The following MTIF2 variants were observed in gnomAD, a reference collection of about 807,000 sequenced individuals.
MTIF2 encodes mitochondrial translational initiation factor 2, also known as translation initiation factor IF-2, mitochondrial.
In MTIF2, 71 loss-of-function variants were observed where a neutral mutation model predicts 83.5. The observed-to-expected ratio is 0.85, with a 90% CI of 0.70 to 1.04. The LOEUF (loss-of-function observed/expected upper bound fraction) is 1.04. Ranked by LOEUF, MTIF2 falls within the 50% of genes least tolerant of loss-of-function variation. The pLI, the probability that MTIF2 is intolerant of heterozygous loss-of-function variation, is 0.00. For synonymous variants in MTIF2, 319 were observed against 287.1 expected (o/e 1.11, Z -1.12); for missense variants, 957 against 846.5 (o/e 1.13, Z -1.62).
intron 15 of MTIF2, 130 bp downstream of exon 15, chr2:55,237,158 T>C: frequency 9.2e-7 from 1 of 1,087,754 alleles, no homozygotes; most frequent in South Asian, 1.7e-5. Context: ...ATTTAGGGGT[T>C]TCAATAGCAA....
At chr2:55,246,214 A>C in intron 10 of MTIF2, 123 bp downstream of exon 10, 1 of 1,169,790 alleles carries the variant, frequency 8.5e-7, no homozygotes, top group Non-Finnish European at 1.2e-6. Flanking sequence ...TTTTAAAACA[A>C]ATGCTTTGAA....
intron 5 of MTIF2, among the ~76,000 whole-genome samples, chr2:55,255,882 CTCT>C (rs1282933831): frequency 0.077 from 11,643 of 151,222 alleles, 1,436 homozygotes; most frequent in African/African-American, 0.26. Context: ...TGATTTTTTT[CTCT>C]TTTTTTTTGG....
Position 55,254,853 on chromosome 2 carries a change from G to A in MTIF2, c.332-28C>T, listed in dbSNP as rs201620997. ...GATTGGAATAAAATAAAACCTTTTA[G>A]GATCATTAATTAAATGCTCAAGAAG... On this transcript the variant is annotated intron_variant, in intron 5 of 15. Transcript: ENST00000263629. The A allele has an allele frequency of 2.8e-5, 39 of 1,397,750 alleles. 1 individual carries two copies. Among genetic ancestry groups the A allele is most frequent in the Non-Finnish European group, 2.9e-6 (3 of 1,050,602 alleles). 86.6% of individuals were successfully genotyped at this position (1,397,750 alleles called of 1,614,324 possible).
chr2:55,265,299 A>G (rs75516516), intron 3 of MTIF2, among the ~76,000 whole-genome samples: 7,999 of 150,678 alleles, frequency 0.053, 262 homozygotes, highest in African/African-American at 0.063. Context: ...AACATTTCCT[A>G]AGTACCATAT....
intron 10 of MTIF2, among the ~76,000 whole-genome samples, chr2:55,245,788 G>A (rs1284270672): frequency 3.3e-5 from 5 of 152,062 alleles, no homozygotes; most frequent in African/African-American, 4.8e-5. Context: ...TATGCTAAGC[G>A]AAGAAGCAGG....
At position 55,239,920 on chromosome 2, in the gene MTIF2, T is replaced by C. The variant is rs997368376; in HGVS notation, c.1870+91A>G. 2.4e-5 allele frequency: 27 copies of C among 1,146,788 alleles called. No homozygotes were observed. The African/African-American group carries it at 3.0e-4, about 13-fold the overall frequency. 71.0% of individuals were successfully genotyped at this position (1,146,788 alleles called of 1,614,324 possible). On this transcript the variant is annotated intron_variant, in intron 14 of 15. Transcript: ENST00000263629. ...AGAACACAGGATATATCTTTCAACA[T>C]TGAAAACGTTTCCTCTAAGCTTTGC...
At position 55,244,159 on chromosome 2, in the gene MTIF2, G is replaced by A. The variant is rs753263909; in HGVS notation, c.1181C>T (p.Ala394Val). Reference protein sequence around the residue: ...GSVLVAGKCWAKVRLMFDENG... With the variant: ...GSVLVAGKCWVKVRLMFDENG... Reference sequence around the variant, plus strand: ...TTCATCAAACATTAAGCGTACTTTTGCCCAACATTTTCCAGCAACCAGAAC... The same window carrying A: ...TTCATCAAACATTAAGCGTACTTTTACCCAACATTTTCCAGCAACCAGAAC... The change falls in exon 11 of 16, where the codon GCA becomes GTA. Residue 394 changes from alanine (A) to valine (V), a missense_variant. Physicochemically the swap from Ala to Val is moderately conservative, Grantham distance 64. Transcript: ENST00000263629. 21 of 1,613,976 alleles carry A rather than the reference G, an allele frequency of 1.3e-5. No individual in the cohort carries two copies. Among genetic ancestry groups the A allele is most frequent in the East Asian group, 1.1e-4 (5 of 44,876 alleles).
Position 55,243,590 on chromosome 2 carries a change from CTAT to C in MTIF2, c.1387_1389del (p.Ile463del). On this transcript the variant is annotated inframe_deletion, in exon 12 of 16. Transcript: ENST00000263629. The stretch of plus-strand genomic sequence containing the variant: ...TCTTTGTGTTCCTTTCGCTTTTCTT[CTAT>C]TATTTTCAGATCCTCCTGACCTTTC... The C allele has an allele frequency of 6.2e-7, 1 of 1,614,042 alleles. No homozygotes were observed. Among genetic ancestry groups the C allele is most frequent in the East Asian group, 2.2e-5 (1 of 44,854 alleles).
In MTIF2 at chr2:55,240,214, A is replaced by G. The variant is rs377272130; in HGVS notation, c.1706-39T>C. The stretch of plus-strand genomic sequence containing the variant: ...ATATGATCAATGAAGTAGCACAACG[A>G]TTACATTATAATCATTTATTTGTCT... On this transcript the variant is annotated intron_variant, in intron 13 of 15. Transcript: ENST00000263629. 7 of 1,504,986 alleles carry G rather than the reference A, an allele frequency of 4.7e-6. No individual in the cohort carries two copies. The African/African-American group carries it at 9.7e-5, about 21-fold the overall frequency. The allele number at this position is 1,504,986 out of a possible 1,614,324, so 93.2% of individuals were successfully genotyped here. A position where few individuals can be genotyped will look rare whatever the true frequency, so the allele number is the denominator to read the frequency against.
rs1161602144 is a variant in MTIF2 at position 55,243,908 on chromosome 2, C to T, written c.1311+121G>A. On this transcript the variant is annotated intron_variant, in intron 11 of 15. Transcript: ENST00000263629. ...AATGCTAAAATAGCACAACTTGCAT[C>T]CTCACAGCCCCTTATAATCTAGATT... 6.1e-6 allele frequency: 6 copies of T among 989,774 alleles called. No homozygotes were observed. In the African/African-American group the frequency reaches 9.8e-5, roughly 16 times the overall value. The allele number at this position is 989,774 out of a possible 1,614,324, so 61.3% of individuals were successfully genotyped here.
intron 13 of MTIF2, among the ~76,000 whole-genome samples, chr2:55,240,504 G>A (rs1383029109): frequency 6.6e-6 from 1 of 152,080 alleles, no homozygotes; most frequent in South Asian, 2.1e-4. Context: ...GCTTGAACCC[G>A]GGAGGCGGAG....
At chr2:55,257,969 T>G (rs996793554) in intron 5 of MTIF2, among the ~76,000 whole-genome samples, 1 of 152,168 alleles carries the variant, frequency 6.6e-6, no homozygotes, top group Non-Finnish European at 1.5e-5. Flanking sequence ...TTTGTATTTC[T>G]TTTGTAAAGA....
chr2:55,242,553 A>T (rs927304670), intron 13 of MTIF2, among the ~76,000 whole-genome samples: 2 of 152,232 alleles, frequency 1.3e-5, no homozygotes, highest in Admixed American at 6.5e-5. Context: ...GTAAAAGATG[A>T]AGGAAAGAAC....
chr2:55,260,809 CAG>C (rs1237903094), intron 5 of MTIF2, among the ~76,000 whole-genome samples: 9 of 152,104 alleles, frequency 5.9e-5, no homozygotes, highest in Non-Finnish European at 1.0e-4. Flanking sequence ...GTTACAATAA[CAG>C]GGTATTTCTC....
chr2:55,260,032 C>T (rs1024611493), intron 5 of MTIF2, among the ~76,000 whole-genome samples: 13 of 152,290 alleles, frequency 8.5e-5, no homozygotes, highest in African/African-American at 2.9e-4. Context: ...TTCTGAATGA[C>T]ATAGCCATAT....
chr2:55,240,270 T>C, intron 13 of MTIF2, 95 bp from the exon 14 acceptor site: 1 of 1,208,164 alleles, frequency 8.3e-7, no homozygotes, highest in South Asian at 1.5e-5. Flanking sequence ...TAAATTGTTT[T>C]ATTTTCTAAA....
Position 55,244,197 on chromosome 2 carries a change from T to C in MTIF2, c.1143A>G (p.Leu381=). The C allele has an allele frequency of 6.2e-7, 1 of 1,614,030 alleles. No individual in the cohort carries two copies. The highest frequency in any genetic ancestry group is 1.3e-5 in the African/African-American group (1 of 75,078). ...VTTAIIQRGT[L]RKGSVLVAGK... is the part of the protein sequence containing the mutation. ...CAGCAACCAGAACAGAGCCTTTTCT[T>C]AAAGTTCCTCTTTGAATTATAGCTG... Residue 381 remains leucine (L), a synonymous_variant, in exon 11 of 16, where the codon TTA becomes TTG. Transcript: ENST00000263629.
intron 11 of MTIF2, 28 bp from the exon 12 acceptor site, chr2:55,243,696 A>C (rs1676490402): frequency 6.2e-7 from 1 of 1,602,436 alleles, no homozygotes; most frequent in Non-Finnish European, 8.5e-7. Flanking sequence ...GTATTATTTA[A>C]TGAAATAGAC....
intron 2 of MTIF2, 22 bp from the exon 3 acceptor site, chr2:55,267,657 A>G (rs1678538016): frequency 6.2e-6 from 1 of 162,156 alleles, no homozygotes; most frequent in South Asian, 2.1e-4. Flanking sequence ...AAATAAATAA[A>G]TAAGTGTTTG....
Sources: gnomAD v4.1 joint callset for allele counts (sites outside exome capture counted in the v4.1 genomes callset) on GRCh38, gnomAD v4.1.1 for gene constraint, MANE v1.5 for transcripts, NCBI Gene and HGNC (gene_info 2026-07-23, HGNC 2026-07-21) for gene names.